The following KIAA1328 variants were observed in gnomAD, a reference collection of about 807,000 sequenced individuals.
KIAA1328 encodes the protein KIAA1328, also known as protein hinderin.
A neutral mutation model predicts 68.1 loss-of-function variants in KIAA1328; 52 were observed. The observed-to-expected ratio is 0.76, with a 90% confidence interval of 0.61 to 0.96. The LOEUF (loss-of-function observed/expected upper bound fraction) is 0.96. Ranked by LOEUF, KIAA1328 falls within the 40% of genes least tolerant of loss-of-function variation. KIAA1328 has a pLI of 0.00. For missense variants in KIAA1328, 641 were observed against 677.6 expected (o/e 0.95, Z 0.60); for synonymous variants, 232 against 239.4 (o/e 0.97, Z 0.28).
At chr18:37,100,242 A>T (rs370598545) in intron 7 of KIAA1328, among the ~76,000 whole-genome samples, 5 of 152,230 alleles carry the variant, frequency 3.3e-5, no homozygotes, top group African/African-American at 1.2e-4. Flanking sequence ...CCCAGGAAGC[A>T]CAAGGGGTCA....
At chr18:36,853,083 A>C (rs1033664959) in intron 4 of KIAA1328, among the ~76,000 whole-genome samples, 9 of 152,190 alleles carry the variant, frequency 5.9e-5, no homozygotes, top group Non-Finnish European at 2.9e-5. Context: ...GTTTGATATT[A>C]ATATAGCAAA....
In KIAA1328 at chr18:37,030,852, G is replaced by T. The variant is rs8087824; in HGVS notation, c.577-36038G>T. Among the ~76,000 whole-genome samples the T allele has an allele frequency of 9.3e-3, 1,417 of 151,780 alleles. 24 individuals carry two copies. The highest frequency in any genetic ancestry group is 0.033 in the African/African-American group (1,369 of 41,328). ...CTCCTATGCCCCCACCCCCCGACAGGCCCCAGTGTGTGATGTTCCCCGCCC... is the reference window on the plus strand; with the variant it reads ...CTCCTATGCCCCCACCCCCCGACAGTCCCCAGTGTGTGATGTTCCCCGCCC... On this transcript the variant is annotated intron_variant, in intron 6 of 9. Transcript: ENST00000280020.
chr18:37,017,799 T>A (rs1270515343), intron 6 of KIAA1328, among the ~76,000 whole-genome samples: 2 of 152,172 alleles, frequency 1.3e-5, no homozygotes, highest in Non-Finnish European at 2.9e-5. Flanking sequence ...TTTTTTGTTT[T>A]CTATTTATGC....
chr18:37,092,837 A>G (rs911299670), intron 7 of KIAA1328, among the ~76,000 whole-genome samples: 2 of 152,148 alleles, frequency 1.3e-5, no homozygotes, highest in East Asian at 3.9e-4. Context: ...GCCTGCCCAA[A>G]TAACTGTTGC....
chr18:36,851,992 T>G (rs749026385), intron 4 of KIAA1328, among the ~76,000 whole-genome samples: 8 of 152,190 alleles, frequency 5.3e-5, no homozygotes, highest in Non-Finnish European at 1.2e-4. Flanking sequence ...TTTGTTTTCA[T>G]TCATTTCAAG....
chr18:37,224,749 A>G lies in KIAA1328; in HGVS notation c.*2522A>G. The stretch of plus-strand genomic sequence containing the variant: ...TTGACTGGTTGGGATTTGCTCGTCC[A>G]GCCTCTAGACACTTCCCAAAGCAAG... On this transcript the variant is annotated 3_prime_UTR_variant, in exon 10 of 10. Coordinates refer to ENST00000280020, the MANE Select transcript of KIAA1328 (RefSeq NM_020776.3). The G allele has an allele frequency of 1.0e-6, 1 of 985,450 alleles. No homozygotes were observed. The highest frequency in any genetic ancestry group is 1.2e-6 in the Non-Finnish European group (1 of 829,944). The allele number at this position is 985,450 out of a possible 1,614,324, so 61.0% of individuals were successfully genotyped here.
rs1479727327 is a variant in KIAA1328, at chr18:37,109,431, CAT to C, written c.1232+41887_1232+41888del. Among the ~76,000 whole-genome samples, 5 of 152,198 alleles carry C rather than the reference CAT, an allele frequency of 3.3e-5. No individual in the cohort carries two copies. In the East Asian group the frequency reaches 9.7e-4, roughly 29 times the overall value. On this transcript the variant is annotated intron_variant, in intron 7 of 9. Coordinates refer to ENST00000280020, the MANE Select transcript of KIAA1328 (RefSeq NM_020776.3). Reference sequence around the variant, plus strand: ...TTAGCTTTTTTGTATGTAATAACTACATGTTTTTGTCTCTAGATAATTTTTCA... The same window carrying C: ...TTAGCTTTTTTGTATGTAATAACTACGTTTTTGTCTCTAGATAATTTTTCA...
chr18:36,837,857 A>C (rs556922739), intron 3 of KIAA1328, among the ~76,000 whole-genome samples: 1 of 152,064 alleles, frequency 6.6e-6, no homozygotes, highest in Admixed American at 6.5e-5. Flanking sequence ...TCCCCTTTGA[A>C]TTTCTTGGCA....
intron 9 of KIAA1328, among the ~76,000 whole-genome samples, chr18:37,180,437 C>G (rs1352737308): frequency 6.6e-6 from 1 of 152,116 alleles, no homozygotes; most frequent in African/African-American, 2.4e-5. Flanking sequence ...GACGTGTAAG[C>G]ACTGAGCTGA....
At chr18:37,156,868 A>G (rs1354561392) in intron 7 of KIAA1328, among the ~76,000 whole-genome samples, 1 of 152,150 alleles carries the variant, frequency 6.6e-6, no homozygotes, top group Non-Finnish European at 1.5e-5. Flanking sequence ...TGTGAACTAG[A>G]AGAATCTGTT....
intron 6 of KIAA1328, among the ~76,000 whole-genome samples, chr18:36,985,591 C>G (rs1425813833): frequency 6.6e-6 from 1 of 152,090 alleles, no homozygotes; most frequent in African/African-American, 2.4e-5. Context: ...AAATGACATT[C>G]AACGGAGGAA....
chr18:36,841,757 G>T (rs1456245525), intron 3 of KIAA1328, among the ~76,000 whole-genome samples: 1 of 152,184 alleles, frequency 6.6e-6, no homozygotes, highest in Non-Finnish European at 1.5e-5. Flanking sequence ...CAGCCAGTGG[G>T]CCAGATTCGG....
chr18:37,087,279 C>G (rs998443861), intron 7 of KIAA1328, among the ~76,000 whole-genome samples: 2 of 152,002 alleles, frequency 1.3e-5, no homozygotes, highest in African/African-American at 4.8e-5. Flanking sequence ...AGGCTTGTCT[C>G]AAACTCCTGG....
chr18:37,202,491 T>G (rs961926406), intron 9 of KIAA1328, among the ~76,000 whole-genome samples: 1 of 152,238 alleles, frequency 6.6e-6, no homozygotes, highest in African/African-American at 2.4e-5. Context: ...ATGAATTTCC[T>G]TGAAGAAAAA....
intron 7 of KIAA1328, among the ~76,000 whole-genome samples, chr18:37,110,768 T>A (rs2057908169): frequency 6.6e-6 from 1 of 152,198 alleles, no homozygotes; most frequent in South Asian, 2.1e-4. Context: ...TTATAAAGTG[T>A]CTGAGAACAT....
chr18:37,089,618 A>G (rs2057213720), intron 7 of KIAA1328, among the ~76,000 whole-genome samples: 1 of 151,800 alleles, frequency 6.6e-6, no homozygotes, highest in Non-Finnish European at 1.5e-5. Flanking sequence ...CAGGTGATGC[A>G]CCTGCCTTGG....
intron 7 of KIAA1328, among the ~76,000 whole-genome samples, chr18:37,111,084 A>G (rs1396932330): frequency 2.0e-5 from 3 of 152,138 alleles, no homozygotes; most frequent in African/African-American, 7.2e-5. Context: ...ATGGTGGAGT[A>G]TTGTATTAGT....
At chr18:37,062,750 C>T (rs1166907019) in intron 6 of KIAA1328, among the ~76,000 whole-genome samples, 2 of 152,120 alleles carry the variant, frequency 1.3e-5, no homozygotes, top group Admixed American at 6.5e-5. Flanking sequence ...CCACCGCGCC[C>T]GGCCAATAGA....
chr18:37,153,276 C>T (rs2059077903), intron 7 of KIAA1328, among the ~76,000 whole-genome samples: 1 of 152,152 alleles, frequency 6.6e-6, no homozygotes, highest in Admixed American at 6.5e-5. Flanking sequence ...TATTAAACCC[C>T]CACTCTTAAA....
Sources: gnomAD v4.1 joint callset for allele counts (sites outside exome capture counted in the v4.1 genomes callset) on GRCh38, gnomAD v4.1.1 for gene constraint, MANE v1.5 for transcripts, NCBI Gene and HGNC (gene_info 2026-07-23, HGNC 2026-07-21) for gene names.